The following ABCB1 variants were observed in gnomAD, a reference collection of about 807,000 sequenced individuals.
ABCB1 encodes ATP-dependent translocase ABCB1.
In ABCB1, 69 loss-of-function variants were observed where a neutral mutation model predicts 142.0. That is an observed-to-expected ratio of 0.49 (90% CI 0.40 to 0.59). The LOEUF is 0.59. Among genes scored for constraint, ABCB1 ranks in the 20% least tolerant of loss-of-function variants. The pLI is 0.00. For synonymous variants in ABCB1, 532 were observed against 539.2 expected, an observed-to-expected ratio of 0.99 and a Z score of 0.18; for missense variants, 1,326 against 1,554.7, an observed-to-expected ratio of 0.85 and a Z score of 2.47.
chr7:87,703,892 T>C (rs1585150094), intron 1 of ABCB1, among the ~76,000 whole-genome samples: 7 of 111,866 alleles, frequency 6.3e-5, no homozygotes, highest in Admixed American at 4.8e-4. Flanking sequence ...TTTCTTTTTT[T>C]TTTTTTTTTT....
exon 1 of ABCB1, chr7:87,713,255 A>G (rs922950735): frequency 6.6e-6 from 1 of 152,164 alleles, no homozygotes; most frequent in Non-Finnish European, 1.5e-5. Context: ...AATAAAGTAG[A>G]TTTCTTCATG....
intron 1 of ABCB1, among the ~76,000 whole-genome samples, chr7:87,679,669 T>G (rs1037444207): frequency 6.7e-6 from 1 of 150,306 alleles, no homozygotes; most frequent in South Asian, 2.1e-4. Context: ...AGATTACAAG[T>G]GTGAACCACT....
rs554424720 is a variant in ABCB1, at chr7:87,704,159, G to A, written c.-331+9002C>T. ...TGGTCTCGAACTCCTGAGTTCAAGT[G>A]ATCCGCCTGCCTCAGCCTCGCAAAG... On this transcript the variant is annotated intron_variant, in intron 1 of 28. Coordinates refer to the ABCB1 transcript ENST00000265724. 4.1e-4 allele frequency among the ~76,000 whole-genome samples: 63 copies of A among 151,994 alleles called. 1 individual carries two copies. Among genetic ancestry groups the A allele is most frequent in the African/African-American group, 1.5e-3 (62 of 41,478 alleles).
At chr7:87,694,373 CCTTTATTTA>C (rs1159439453) in intron 1 of ABCB1, among the ~76,000 whole-genome samples, 1 of 152,022 alleles carries the variant, frequency 6.6e-6, no homozygotes, top group Non-Finnish European at 1.5e-5. Context: ...AGAATGCATG[CCTTTATTTA>C]CTTATTCAAA....
rs137996914 is a variant in ABCB1, at chr7:87,504,251, G to T, written c.3835C>A (p.Arg1279Ser). 4 of 1,614,032 alleles carry T rather than the reference G, an allele frequency of 2.5e-6. No individual in the cohort carries two copies. In the Middle Eastern group the frequency reaches 5.0e-4, roughly 202 times the overall value. ...SMVSVQAGTKRQ is the reference protein window; with the variant it reads ...SMVSVQAGTKSQ ...TCTCATACAGTCAGAGTTCACTGGCGCTTTGTTCCAGCCTGGACACTGACC... is the reference window on the plus strand; with the variant it reads ...TCTCATACAGTCAGAGTTCACTGGCTCTTTGTTCCAGCCTGGACACTGACC... Residue 1279 changes from arginine to serine, a missense_variant, in exon 28 of 28, where the codon CGC becomes AGC. Coordinates refer to ENST00000622132, the MANE Select transcript of ABCB1 (RefSeq NM_001348946.2).
intron 4 of ABCB1, among the ~76,000 whole-genome samples, chr7:87,578,985 G>A (rs1180378032): frequency 2.0e-5 from 3 of 152,130 alleles, no homozygotes; most frequent in South Asian, 2.1e-4. Context: ...GAGCCACCGC[G>A]CCCGGCCGAG....
chr7:87,571,932 G>GT (rs1315254643), intron 4 of ABCB1, among the ~76,000 whole-genome samples: 3 of 152,160 alleles, frequency 2.0e-5, no homozygotes, highest in African/African-American at 7.2e-5. Context: ...CCATTAAAGG[G>GT]TAAGACAGAA....
At chr7:87,563,509 C>A in intron 7 of ABCB1, 1 of 305,014 alleles carries the variant, frequency 3.3e-6, no homozygotes, top group Non-Finnish European at 6.7e-6. Flanking sequence ...TTTGGCTCAA[C>A]AGATGTAAAT....
chr7:87,580,237 GT>G (rs1584897950), intron 4 of ABCB1, among the ~76,000 whole-genome samples: 1 of 152,110 alleles, frequency 6.6e-6, no homozygotes, highest in East Asian at 1.9e-4. Flanking sequence ...GACAGGTCTG[GT>G]GTTGAATAAA....
At chr7:87,695,500 T>A (rs1242171656) in intron 1 of ABCB1, among the ~76,000 whole-genome samples, 1 of 152,066 alleles carries the variant, frequency 6.6e-6, no homozygotes. Flanking sequence ...ATCAGAGTGG[T>A]TTATTAAAAT....
intron 1 of ABCB1, among the ~76,000 whole-genome samples, chr7:87,691,150 A>C (rs2130645468): frequency 6.6e-6 from 1 of 152,282 alleles, no homozygotes; most frequent in Middle Eastern, 3.4e-3. Context: ...AGTCTTATCA[A>C]GGAAAATTTA....
chr7:87,521,076 A>T, intron 21 of ABCB1, 200 bp from the exon 22 acceptor site: 1 of 561,770 alleles, frequency 1.8e-6, no homozygotes, highest in African/African-American at 1.9e-5. Flanking sequence ...ACTAATTCAA[A>T]CTTCTCCTTT....
chr7:87,629,250 G>A (rs1425171725), intron 1 of ABCB1: 1 of 299,980 alleles, frequency 3.3e-6, no homozygotes, highest in South Asian at 1.6e-4. Flanking sequence ...AGGAGGGCAA[G>A]GAAGAAGAGC....
At chr7:87,530,557 A>G (rs559945428) in intron 21 of ABCB1, among the ~76,000 whole-genome samples, 49 of 151,974 alleles carry the variant, frequency 3.2e-4, no homozygotes, top group African/African-American at 7.7e-4. Context: ...AAATAATGGG[A>G]AAAAAAAGAC....
intron 14 of ABCB1, among the ~76,000 whole-genome samples, chr7:87,548,869 C>T (rs1328371942): frequency 6.6e-6 from 1 of 152,112 alleles, no homozygotes; most frequent in East Asian, 1.9e-4. Context: ...GCTATCTGCC[C>T]CTTTCCTGGA....
chr7:87,677,660 C>T (rs1435129576), intron 1 of ABCB1, among the ~76,000 whole-genome samples: 1 of 152,084 alleles, frequency 6.6e-6, no homozygotes, highest in South Asian at 2.1e-4. Flanking sequence ...CATACACACA[C>T]AAAAATCCAA....
chr7:87,598,981 T>C (rs1004219035), intron 2 of ABCB1, among the ~76,000 whole-genome samples: 2 of 152,220 alleles, frequency 1.3e-5, no homozygotes, highest in Non-Finnish European at 2.9e-5. Flanking sequence ...ACAGTGCTCA[T>C]TGTTACTGTC....
At chr7:87,558,641 A>T (rs1455014086) in intron 8 of ABCB1, among the ~76,000 whole-genome samples, 1 of 151,986 alleles carries the variant, frequency 6.6e-6, no homozygotes, top group Admixed American at 6.6e-5. Flanking sequence ...TTTATTTTTT[A>T]AATTGACAGA....
At chr7:87,670,087 C>A (rs546255663) in intron 1 of ABCB1, among the ~76,000 whole-genome samples, 1 of 152,278 alleles carries the variant, frequency 6.6e-6, no homozygotes, top group South Asian at 2.1e-4. Flanking sequence ...TCTTTCTCCC[C>A]CTCCCTTTCA....
Sources: gnomAD v4.1 joint callset for allele counts (sites outside exome capture counted in the v4.1 genomes callset) on GRCh38, gnomAD v4.1.1 for gene constraint, MANE v1.5 for transcripts, NCBI Gene and HGNC (gene_info 2026-07-23, HGNC 2026-07-21) for gene names.